The following SYNDIG1L variants were observed in gnomAD, a reference collection of about 807,000 sequenced individuals.
SYNDIG1L encodes the protein synapse differentiation inducing 1 like.
A neutral mutation model predicts 20.1 loss-of-function variants in SYNDIG1L; 13 were observed. That is an observed-to-expected ratio of 0.65 (90% CI 0.42 to 1.03). The LOEUF is 1.03. SYNDIG1L is among the 50% of genes least tolerant of loss of function. The pLI is 0.00. For synonymous variants in SYNDIG1L, 128 were observed against 129.3 expected (o/e 0.99, Z 0.07); for missense variants, 294 against 305.1 (o/e 0.96, Z 0.27).
chr14:74,412,849 C>G (rs2086142822), intron 1 of SYNDIG1L, among the ~76,000 whole-genome samples: 1 of 152,216 alleles, frequency 6.6e-6, no homozygotes, highest in Admixed American at 6.5e-5. Flanking sequence ...GCCTCTCCCC[C>G]AGCTGGCCAT....
At chr14:74,447,016 G>A in the SYNDIG1L span, among the ~76,000 whole-genome samples, 2 of 152,256 alleles carry the variant, frequency 1.3e-5, no homozygotes, top group South Asian at 4.2e-4. Context: ...CCAAGCAGGA[G>A]GATAGCTTGA....
At position 74,409,545 on chromosome 14, in the gene SYNDIG1L, C is replaced by A; in HGVS notation, c.200G>T (p.Trp67Leu). The A allele has an allele frequency of 6.4e-7, 1 of 1,555,636 alleles. No individual in the cohort carries two copies. The highest frequency in any genetic ancestry group is 1.2e-5 in the South Asian group (1 of 82,572). ...CCCCAGGAGGCAGCTGGGCCGGTACCAGGCCTCCACGGCCAGCTGCAGGGA... is the reference window on the plus strand; with the variant it reads ...CCCCAGGAGGCAGCTGGGCCGGTACAAGGCCTCCACGGCCAGCTGCAGGGA... The part of the protein sequence containing the change: ...PGSLQLAVEA[W>L]YRPSCLLGRD... Residue 67 changes from tryptophan (W) to leucine (L), a missense_variant, in exon 2 of 4, where the codon TGG (tryptophan) becomes TTG (leucine). Physicochemically the swap from Trp to Leu is moderately conservative, Grantham distance 61. Transcript: ENST00000331628.
intron 1 of SYNDIG1L, among the ~76,000 whole-genome samples, chr14:74,425,089 AT>A (rs1192589250): frequency 6.6e-6 from 1 of 152,172 alleles, no homozygotes; most frequent in Admixed American, 6.5e-5. Context: ...ACGCAGTTTT[AT>A]TTTGATCGCT....
At chr14:74,469,944 G>A in the SYNDIG1L span, among the ~76,000 whole-genome samples, 1 of 152,126 alleles carries the variant, frequency 6.6e-6, no homozygotes, top group Non-Finnish European at 1.5e-5. Context: ...AGACAGTCCC[G>A]GAATGCCAAT....
At chr14:74,421,506 C>T (rs1209308623) in intron 1 of SYNDIG1L, among the ~76,000 whole-genome samples, 1 of 152,084 alleles carries the variant, frequency 6.6e-6, no homozygotes, top group African/African-American at 2.4e-5. Flanking sequence ...TCAAGTGTTT[C>T]CTGAACTAAA....
chr14:74,467,336 G>A, the SYNDIG1L span, among the ~76,000 whole-genome samples: 1 of 152,220 alleles, frequency 6.6e-6, no homozygotes, highest in East Asian at 1.9e-4. Flanking sequence ...CTGGTTGGGG[G>A]TGGAGTTAGG....
the SYNDIG1L span, among the ~76,000 whole-genome samples, chr14:74,446,737 C>T: frequency 6.6e-6 from 1 of 151,948 alleles, no homozygotes; most frequent in Admixed American, 6.6e-5. Flanking sequence ...CTGCCTCTGC[C>T]TACTGAGTAG....
chr14:74,471,596 T>TCACACA, the SYNDIG1L span, among the ~76,000 whole-genome samples: 17 of 149,822 alleles, frequency 1.1e-4, no homozygotes, highest in African/African-American at 3.9e-4. Context: ...AGACCCTATC[T>TCACACA]CACACACACA....
the SYNDIG1L span, among the ~76,000 whole-genome samples, chr14:74,437,025 C>T: frequency 4.6e-5 from 7 of 151,910 alleles, no homozygotes; most frequent in South Asian, 6.2e-4. Context: ...CTTCACTTGA[C>T]TCTGAGTTTC....
chr14:74,432,557 T>C, the SYNDIG1L span, among the ~76,000 whole-genome samples: 1 of 152,156 alleles, frequency 6.6e-6, no homozygotes, highest in East Asian at 1.9e-4. Context: ...AGAGGTACAA[T>C]AGAGGTAGAA....
the SYNDIG1L span, among the ~76,000 whole-genome samples, chr14:74,449,263 A>G: frequency 2.6e-5 from 4 of 151,348 alleles, no homozygotes; most frequent in Admixed American, 1.3e-4. Flanking sequence ...AAAAAAAAAG[A>G]AAGTGTTTTG....
chr14:74,442,127 T>C, the SYNDIG1L span, among the ~76,000 whole-genome samples: 1 of 152,176 alleles, frequency 6.6e-6, no homozygotes, highest in African/African-American at 2.4e-5. Context: ...CTTTTTTTTT[T>C]ATCCATTCAT....
At chr14:74,414,785 A>G (rs770919065) in intron 1 of SYNDIG1L, among the ~76,000 whole-genome samples, 13 of 152,216 alleles carry the variant, frequency 8.5e-5, no homozygotes, top group Non-Finnish European at 1.6e-4. Context: ...TAGAATAACA[A>G]CAGGATAGAG....
At position 74,406,144 on chromosome 14, in the gene SYNDIG1L, C is replaced by A; in HGVS notation, c.*1391G>T. On this transcript the variant is annotated 3_prime_UTR_variant, in exon 4 of 4. Coordinates refer to ENST00000331628, the MANE Select transcript of SYNDIG1L (RefSeq NM_001105579.2). ...CAGGCCTGCCCACATTGGTGCTGCC[C>A]CCCGCCTACCTGGAGATGTCTCTAA... 2.5e-6 allele frequency: 1 copy of A among 398,796 alleles called. No homozygotes were observed. The highest frequency in any genetic ancestry group is 4.4e-6 in the Non-Finnish European group (1 of 226,330). The allele number at this position is 398,796 out of a possible 1,614,324, so 24.7% of individuals were successfully genotyped here. A position where few individuals can be genotyped will look rare whatever the true frequency, so the allele number is the denominator to read the frequency against.
Position 74,407,832 on chromosome 14 carries a change from G to A in SYNDIG1L, c.558+17C>T. Reference sequence around the variant, plus strand: ...GTGACGGGCCAGAGAAGGGACCTGGGCCCCAGGTGCTCTTACCCCCTGGGA... The same window carrying A: ...GTGACGGGCCAGAGAAGGGACCTGGACCCCAGGTGCTCTTACCCCCTGGGA... On this transcript the variant is annotated intron_variant, in intron 3 of 3. Transcript: ENST00000331628. 2 of 1,606,184 alleles carry A rather than the reference G, an allele frequency of 1.2e-6. No homozygotes were observed. Among genetic ancestry groups the A allele is most frequent in the Non-Finnish European group, 1.7e-6 (2 of 1,176,240 alleles).
In SYNDIG1L at chr14:74,406,222, G is replaced by T. The variant is rs930892183; in HGVS notation, c.*1313C>A. ...GGTGTTGAGACTGGCACTGAGCAGAGATATCAGTGAAGATGCCCCAGGGGT... is the reference window on the plus strand; with the variant it reads ...GGTGTTGAGACTGGCACTGAGCAGATATATCAGTGAAGATGCCCCAGGGGT... On this transcript the variant is annotated 3_prime_UTR_variant, in exon 4 of 4. Coordinates refer to ENST00000331628, the MANE Select transcript of SYNDIG1L (RefSeq NM_001105579.2). 4 of 397,560 alleles carry T rather than the reference G, an allele frequency of 1.0e-5. No individual in the cohort carries two copies. The highest frequency in any genetic ancestry group is 1.3e-5 in the Non-Finnish European group (3 of 225,994). 24.6% of individuals were successfully genotyped at this position (397,560 alleles called of 1,614,324 possible). A position where few individuals can be genotyped will look rare whatever the true frequency, so the allele number is the denominator to read the frequency against.
chr14:74,449,438 C>CAAA, the SYNDIG1L span, among the ~76,000 whole-genome samples: 63 of 34,016 alleles, frequency 1.9e-3, 18 homozygotes, highest in African/African-American at 7.0e-3. Context: ...CCTGTCTTTA[C>CAAA]AAAAAAAAAA....
the SYNDIG1L span, among the ~76,000 whole-genome samples, chr14:74,432,713 G>T: frequency 1.3e-5 from 2 of 152,178 alleles, no homozygotes; most frequent in African/African-American, 4.8e-5. Context: ...AAAGTTAGCT[G>T]GGTGTGGTGG....
chr14:74,431,052 C>G (rs2086299049), upstream of SYNDIG1L, among the ~76,000 whole-genome samples: 1 of 152,288 alleles, frequency 6.6e-6, no homozygotes, highest in African/African-American at 2.4e-5. Flanking sequence ...GCCCTTGAAG[C>G]CAGAGCCAGT....
Sources: allele counts gnomAD v4.1 joint callset (sites outside exome capture counted in the v4.1 genomes callset), GRCh38; gene constraint gnomAD v4.1.1; transcripts MANE v1.5; gene names NCBI Gene and HGNC (gene_info 2026-07-23, HGNC 2026-07-21).